Variants in MYO16 observed in about 807,000 individuals in gnomAD.
MYO16 encodes unconventional myosin-XVI.
Under a neutral mutation model 205.3 loss-of-function variants are expected in MYO16, and 94 were observed. The observed-to-expected ratio is 0.46, with a 90% CI of 0.39 to 0.54. MYO16 has a LOEUF of 0.54. MYO16 is among the 20% of genes least tolerant of loss of function. MYO16 has a pLI of 0.00. For synonymous variants in MYO16, 988 were observed against 954.0 expected, an observed-to-expected ratio of 1.04 and a Z score of -0.66; for missense variants, 2,315 against 2,387.5, an observed-to-expected ratio of 0.97 and a Z score of 0.63.
chr13:108,566,644 G>T, the MYO16 span, among the ~76,000 whole-genome samples: 1 of 133,006 alleles, frequency 7.5e-6, no homozygotes, highest in African/African-American at 2.8e-5. Context: ...AGAAAGAAAA[G>T]AAAAGAAAAG....
intron 4 of MYO16, among the ~76,000 whole-genome samples, chr13:108,748,709 C>A (rs1237510792): frequency 6.6e-6 from 1 of 152,052 alleles, no homozygotes; most frequent in Non-Finnish European, 1.5e-5. Context: ...TGATGAAGAA[C>A]AGCAATGCAA....
At chr13:108,545,054 C>T in the MYO16 span, among the ~76,000 whole-genome samples, 1 of 151,546 alleles carries the variant, frequency 6.6e-6, no homozygotes. Context: ...GTTTCTGATA[C>T]AGGTAAATTA....
chr13:109,111,804 A>C (rs1421802695), intron 28 of MYO16, among the ~76,000 whole-genome samples: 1 of 151,818 alleles, frequency 6.6e-6, no homozygotes, highest in Admixed American at 6.6e-5. Flanking sequence ...CTCCTGCCTC[A>C]GCCTCCCAAG....
intron 2 of MYO16, among the ~76,000 whole-genome samples, chr13:108,671,241 G>A (rs563291678): frequency 1.3e-5 from 2 of 152,238 alleles, no homozygotes; most frequent in South Asian, 4.1e-4. Flanking sequence ...AAAGTGATAG[G>A]AACAACAGGA....
At chr13:109,088,897 A>G (rs1888530555) in intron 27 of MYO16, among the ~76,000 whole-genome samples, 2 of 151,982 alleles carry the variant, frequency 1.3e-5, no homozygotes, top group Admixed American at 1.3e-4. Flanking sequence ...GCAGCCCCTC[A>G]CTCCTCCAGG....
chr13:108,890,344 A>C (rs903079502), intron 14 of MYO16, among the ~76,000 whole-genome samples: 1 of 152,104 alleles, frequency 6.6e-6, no homozygotes, highest in African/African-American at 2.4e-5. Flanking sequence ...CTGTGGAGTC[A>C]TCTTCTCACA....
chr13:109,095,330 G>A (rs1180171804), intron 27 of MYO16, among the ~76,000 whole-genome samples: 1 of 151,914 alleles, frequency 6.6e-6, no homozygotes, highest in Non-Finnish European at 1.5e-5. Context: ...AGTTGCTCCT[G>A]TGCTCCGGAC....
At chr13:108,725,925 T>C (rs1884321392) in intron 3 of MYO16, among the ~76,000 whole-genome samples, 1 of 152,286 alleles carries the variant, frequency 6.6e-6, no homozygotes, top group East Asian at 1.9e-4. Flanking sequence ...TTTTGTTTGC[T>C]GCCCATCATT....
Position 109,206,978 on chromosome 13 carries a change from A to C in MYO16, c.*142A>C. On this transcript the variant is annotated 3_prime_UTR_variant, in exon 35 of 35. Transcript: ENST00000457511. ...AGCACAGGACACAGACACTAAATAT[A>C]TGAGATCCCGTGTGTGTGTGTGTGT... is the stretch of plus-strand genomic sequence containing the variant. The C allele has an allele frequency of 4.6e-6, 3 of 649,986 alleles. No individual in the cohort carries two copies. The highest frequency in any genetic ancestry group is 5.3e-6 in the Non-Finnish European group (2 of 380,126). The allele number at this position is 649,986 out of a possible 1,614,324, so 40.3% of individuals were successfully genotyped here. A position where few individuals can be genotyped will look rare whatever the true frequency, so the allele number is the denominator to read the frequency against.
At chr13:108,916,586 G>T (rs118096950) in intron 16 of MYO16, among the ~76,000 whole-genome samples, 1 of 152,078 alleles carries the variant, frequency 6.6e-6, no homozygotes, top group African/African-American at 2.4e-5. Flanking sequence ...AACAAACTAC[G>T]CTAGGTCTTT....
At chr13:108,703,296 C>T (rs1404034127) in intron 2 of MYO16, among the ~76,000 whole-genome samples, 2 of 151,996 alleles carry the variant, frequency 1.3e-5, no homozygotes, top group Non-Finnish European at 2.9e-5. Flanking sequence ...GGTAACTCAA[C>T]TTTAATGTAA....
chr13:108,580,949 CATTA>C, the MYO16 span, among the ~76,000 whole-genome samples: 5 of 152,200 alleles, frequency 3.3e-5, no homozygotes, highest in Admixed American at 2.6e-4. Flanking sequence ...AATGAAAGTG[CATTA>C]ATTGTTTTAT....
At chr13:108,912,381 G>A (rs1414200026) in intron 16 of MYO16, among the ~76,000 whole-genome samples, 1 of 152,028 alleles carries the variant, frequency 6.6e-6, no homozygotes, top group Non-Finnish European at 1.5e-5. Context: ...CTGTTTTAGG[G>A]TTTTCTGTTC....
intron 3 of MYO16, among the ~76,000 whole-genome samples, chr13:108,722,096 A>C (rs2139572787): frequency 6.6e-6 from 1 of 152,242 alleles, no homozygotes; most frequent in East Asian, 1.9e-4. Flanking sequence ...ACTGGGTCCC[A>C]CCTTAACTAG....
At chr13:109,174,593 A>T (rs530685183) in intron 33 of MYO16, among the ~76,000 whole-genome samples, 1 of 152,290 alleles carries the variant, frequency 6.6e-6, no homozygotes, top group Admixed American at 6.5e-5. Context: ...AAAGCTGGAC[A>T]GATGTAAAAA....
At position 109,125,487 on chromosome 13, in the gene MYO16, T is replaced by C. The variant is rs1876205945; in HGVS notation, c.3782+129T>C. The stretch of plus-strand genomic sequence containing the variant: ...GAGTTGCAGGAACAGGCATGCGTGG[T>C]TTGTTATTCGAAATGGCAGCAGTCT... On this transcript the variant is annotated intron_variant, in intron 30 of 34. Coordinates refer to ENST00000457511, the MANE Select transcript of MYO16 (RefSeq NM_001198950.3). This position sits in a 1 kb window ranked among gnomAD's most constrained non-coding sequence, Gnocchi z 4.0. 1 of 1,264,778 alleles carries C rather than the reference T, an allele frequency of 7.9e-7. No individual in the cohort carries two copies. Among genetic ancestry groups the C allele is most frequent in the Non-Finnish European group, 1.1e-6 (1 of 919,132 alleles). 78.3% of individuals were successfully genotyped at this position (1,264,778 alleles called of 1,614,324 possible). A position where few individuals can be genotyped will look rare whatever the true frequency, so the allele number is the denominator to read the frequency against.
intron 32 of MYO16, among the ~76,000 whole-genome samples, chr13:109,159,031 A>G (rs1167918170): frequency 6.6e-6 from 1 of 152,206 alleles, no homozygotes; most frequent in Non-Finnish European, 1.5e-5. Context: ...ATCTCCTGAT[A>G]TTACAGATTG....
intron 1 of MYO16, among the ~76,000 whole-genome samples, chr13:108,598,123 C>A (rs1186332197): frequency 6.6e-6 from 1 of 152,186 alleles, no homozygotes; most frequent in Non-Finnish European, 1.5e-5. Context: ...GGGCAGAGAT[C>A]AATATCAGCG....
chr13:108,923,158 G>C (rs1304541355), intron 16 of MYO16, among the ~76,000 whole-genome samples: 1 of 152,182 alleles, frequency 6.6e-6, no homozygotes, highest in Non-Finnish European at 1.5e-5. Flanking sequence ...TAGAGTAAGG[G>C]CCACTCACAG....
Sources: gnomAD v4.1 joint callset for allele counts (sites outside exome capture counted in the v4.1 genomes callset) on GRCh38, gnomAD v4.1.1 for gene constraint, Gnocchi (gnomAD v3.1) non-coding constraint, MANE v1.5 for transcripts, NCBI Gene and HGNC (gene_info 2026-07-23, HGNC 2026-07-21) for gene names.